The following VPS41 variants were observed in gnomAD, a reference collection of about 807,000 sequenced individuals.
VPS41 encodes vacuolar protein sorting-associated protein 41 homolog.
VPS41 carries 85 observed loss-of-function variants against 130.9 expected under a neutral mutation model. That is an observed-to-expected ratio of 0.65 (90% CI 0.55 to 0.78). The LOEUF (loss-of-function observed/expected upper bound fraction) is 0.78, where lower values mean the gene tolerates loss of function less well. VPS41 is among the 30% of genes least tolerant of loss of function. VPS41 has a pLI of 0.00. For missense variants in VPS41, 874 were observed against 1,018.7 expected, an observed-to-expected ratio of 0.86 and a Z score of 1.93; for synonymous variants, 335 against 332.9, an observed-to-expected ratio of 1.01 and a Z score of -0.07.
intron 4 of VPS41, among the ~76,000 whole-genome samples, chr7:38,854,748 GA>G (rs1243098085): frequency 1.3e-5 from 2 of 151,726 alleles, no homozygotes; most frequent in Admixed American, 1.3e-4. Flanking sequence ...TGATGATGCA[GA>G]GATAAATTAC....
chr7:38,906,338 TTTTG>T (rs1206021648), intron 1 of VPS41, among the ~76,000 whole-genome samples: 8 of 151,904 alleles, frequency 5.3e-5, no homozygotes, highest in South Asian at 2.1e-4. Flanking sequence ...CTGGGTTTTT[TTTTG>T]TTTGTTTTTC....
intron 1 of VPS41, among the ~76,000 whole-genome samples, chr7:38,903,554 T>C (rs1787189939): frequency 6.6e-6 from 1 of 152,164 alleles, no homozygotes; most frequent in South Asian, 2.1e-4. Context: ...AGAAATCATC[T>C]ATCTCCATCT....
chr7:38,741,176 T>C (rs909610875), intron 25 of VPS41: 1 of 229,028 alleles, frequency 4.4e-6, no homozygotes, highest in South Asian at 5.9e-5. Flanking sequence ...CCTCAGCTAA[T>C]AGCCTTTTCT....
At chr7:38,747,233 G>C (rs1796004150) in intron 22 of VPS41, among the ~76,000 whole-genome samples, 9 of 152,160 alleles carry the variant, frequency 5.9e-5, no homozygotes. Context: ...TAAGTAAGAA[G>C]TTAAATAATA....
At chr7:38,822,685 T>C (rs1372952275) in intron 5 of VPS41, among the ~76,000 whole-genome samples, 1 of 152,234 alleles carries the variant, frequency 6.6e-6, no homozygotes, top group Non-Finnish European at 1.5e-5. Flanking sequence ...ATGAAGGGTG[T>C]ATACCTTGGA....
chr7:38,834,796 TTTAA>T (rs1382843195), intron 4 of VPS41, among the ~76,000 whole-genome samples: 1 of 152,082 alleles, frequency 6.6e-6, no homozygotes, highest in East Asian at 1.9e-4. Flanking sequence ...TTTTTTCCAC[TTTAA>T]TTGTCAAGCT....
At chr7:38,794,071 A>G (rs1046493043) in intron 9 of VPS41, among the ~76,000 whole-genome samples, 2 of 152,224 alleles carry the variant, frequency 1.3e-5, no homozygotes, top group Non-Finnish European at 2.9e-5. Context: ...GGGAGTAATG[A>G]GTAAACTTGT....
intron 10 of VPS41, among the ~76,000 whole-genome samples, chr7:38,783,740 T>C (rs907601233): frequency 4.0e-5 from 6 of 148,754 alleles, no homozygotes; most frequent in African/African-American, 1.5e-4. Context: ...TCGTTTCATT[T>C]AAAAAAAAAA....
intron 4 of VPS41, among the ~76,000 whole-genome samples, chr7:38,845,156 C>T (rs139063701): frequency 3.9e-5 from 6 of 152,264 alleles, no homozygotes; most frequent in South Asian, 2.1e-4. Context: ...CACAAGCCCA[C>T]GGACAATGGT....
intron 24 of VPS41, among the ~76,000 whole-genome samples, chr7:38,742,869 TG>T (rs1030856966): frequency 1.3e-5 from 2 of 151,910 alleles, no homozygotes; most frequent in African/African-American, 4.8e-5. Context: ...CTTTCCAAAA[TG>T]GGAGACCCAA....
At chr7:38,817,670 A>C (rs1584410442) in intron 7 of VPS41, 147 bp downstream of exon 7, 1 of 747,392 alleles carries the variant, frequency 1.3e-6, no homozygotes, top group East Asian at 2.5e-5. Flanking sequence ...CCCCCAAGAG[A>C]TGATGATCAT....
intron 2 of VPS41, among the ~76,000 whole-genome samples, chr7:38,877,599 C>T (rs990061126): frequency 6.6e-6 from 1 of 152,102 alleles, no homozygotes; most frequent in Non-Finnish European, 1.5e-5. Context: ...AAATGCCTCT[C>T]GAGCATTTCC....
intron 2 of VPS41, among the ~76,000 whole-genome samples, chr7:38,894,782 C>A (rs903515994): frequency 1.2e-4 from 18 of 152,182 alleles, no homozygotes; most frequent in Admixed American, 9.2e-4. Flanking sequence ...TTAGCACTAT[C>A]CCAAGCAGTA....
intron 4 of VPS41, among the ~76,000 whole-genome samples, chr7:38,844,854 C>T (rs1398353671): frequency 6.6e-6 from 1 of 152,162 alleles, no homozygotes; most frequent in Non-Finnish European, 1.5e-5. Context: ...GCTGCTGTGC[C>T]TACTCTGTGC....
intron 2 of VPS41, among the ~76,000 whole-genome samples, chr7:38,886,324 C>G (rs1327079339): frequency 6.6e-6 from 1 of 152,216 alleles, no homozygotes; most frequent in Non-Finnish European, 1.5e-5. Context: ...ACGGTCTTTG[C>G]AACCAGCAGA....
At chr7:38,812,552 T>C (rs1784965337) in intron 7 of VPS41, among the ~76,000 whole-genome samples, 1 of 152,114 alleles carries the variant, frequency 6.6e-6, no homozygotes, top group Non-Finnish European at 1.5e-5. Flanking sequence ...GTGACTTTAT[T>C]AAAGTTACAA....
intron 2 of VPS41, among the ~76,000 whole-genome samples, chr7:38,887,547 G>A (rs546193958): frequency 2.0e-5 from 3 of 152,276 alleles, no homozygotes; most frequent in African/African-American, 2.4e-5. Flanking sequence ...CCAAATCTAC[G>A]TCTGATTGGT....
intron 1 of VPS41, 76 bp from the exon 2 acceptor site, chr7:38,898,205 A>G: frequency 1.6e-6 from 2 of 1,272,248 alleles, no homozygotes; most frequent in Non-Finnish European, 2.3e-6. Context: ...AAGAGTCCTC[A>G]TGTTCCTACT....
intron 7 of VPS41, among the ~76,000 whole-genome samples, chr7:38,815,380 T>C (rs571380187): frequency 8.4e-4 from 128 of 152,196 alleles, no homozygotes; most frequent in African/African-American, 2.9e-3. Context: ...GCCGAGATCA[T>C]GCCACTGCAC....
Sources: allele counts gnomAD v4.1 joint callset (sites outside exome capture counted in the v4.1 genomes callset), GRCh38; gene constraint gnomAD v4.1.1; transcripts MANE v1.5; gene names NCBI Gene and HGNC (gene_info 2026-07-23, HGNC 2026-07-21).